STKLD1: variants seen among roughly 807,000 people sequenced by gnomAD.
The protein encoded by STKLD1 is serine/threonine kinase like domain containing 1.
Under a neutral mutation model 80.4 loss-of-function variants are expected in STKLD1, and 79 were observed. The observed-to-expected ratio is 0.98, with a 90% CI of 0.82 to 1.19. STKLD1 has a LOEUF of 1.19. Among genes scored for constraint, STKLD1 ranks in the 50% most tolerant of loss-of-function variants. The pLI, the probability that STKLD1 is intolerant of heterozygous loss-of-function variation, is 0.00. For missense variants in STKLD1, 841 were observed against 856.0 expected (o/e 0.98, Z 0.22); for synonymous variants, 393 against 357.6 (o/e 1.10, Z -1.12).
intron 10 of STKLD1, 27 bp downstream of exon 10, chr9:133,397,321 C>T (rs782743044): frequency 3.1e-6 from 5 of 1,610,744 alleles, no homozygotes; most frequent in Non-Finnish European, 3.4e-6. Flanking sequence ...AAAGGGGGAG[C>T]GTGCCCTGAA....
chr9:133,389,735 A>G lies in STKLD1; in HGVS notation c.467+139A>G. On this transcript the variant is annotated intron_variant, in intron 6 of 17. Transcript: ENST00000371957. This position sits in a 1 kb window ranked among gnomAD's most constrained non-coding sequence, Gnocchi z 6.4. The stretch of plus-strand genomic sequence containing the variant: ...GCCAGTGCAGCCAGGATAGGATGGG[A>G]CCTTACAGAGCTCCTCCCGGGCTTG... The G allele has an allele frequency of 7.2e-7, 1 of 1,395,516 alleles. No homozygotes were observed. Among genetic ancestry groups the G allele is most frequent in the Non-Finnish European group, 9.6e-7 (1 of 1,039,246 alleles). The allele number at this position is 1,395,516 out of a possible 1,614,324, so 86.4% of individuals were successfully genotyped here.
At position 133,396,097 on chromosome 9, in the gene STKLD1, AT is replaced by A. The variant is rs587738011; in HGVS notation, c.866+339del. 50 of 189,032 alleles carry A rather than the reference AT, an allele frequency of 2.6e-4. No homozygotes were observed. The South Asian group carries it at 6.9e-3, about 26-fold the overall frequency. 11.7% of individuals were successfully genotyped at this position (189,032 alleles called of 1,614,324 possible). A position where few individuals can be genotyped will look rare whatever the true frequency, so the allele number is the denominator to read the frequency against. ...TCCTAAAGACAATGGTCACCTTTAA[AT>A]TTTTCATTCTAACTTACTTTAAAAT... is the stretch of plus-strand genomic sequence containing the variant. On this transcript the variant is annotated intron_variant, in intron 9 of 17. Coordinates refer to ENST00000371957, the MANE Select transcript of STKLD1 (RefSeq NM_153710.5).
In STKLD1 at chr9:133,376,563, G is replaced by A. The variant is rs1564372359; in HGVS notation, c.87+3G>A. 1.3e-6 allele frequency: 2 copies of A among 1,592,050 alleles called. No homozygotes were observed. Among genetic ancestry groups the A allele is most frequent in the Non-Finnish European group, 8.5e-7 (1 of 1,171,714 alleles). ...GAGAGCCCATGGAGAAGTACCAGGT[G>A]CCGAGTGTTCCCTGCGGGGAGGCGG... On this transcript the variant is annotated splice_donor_region_variant and intron_variant, in intron 1 of 17. Transcript: ENST00000371957.
chr9:133,393,471 G>T (rs1290657409), intron 7 of STKLD1, among the ~76,000 whole-genome samples: 1 of 148,972 alleles, frequency 6.7e-6, no homozygotes, highest in Admixed American at 6.7e-5. Flanking sequence ...GGATGGTTGG[G>T]TGGGTAGATG....
rs11340207 is a variant in STKLD1 at position 133,390,826 on chromosome 9, AG to A, written c.583+35del. 136,029 of 1,572,904 alleles carry A rather than the reference AG, an allele frequency of 0.086. 7,116 individuals are homozygous for A. The highest frequency in any genetic ancestry group is 0.22 in the African/African-American group (16,133 of 73,966). On this transcript the variant is annotated intron_variant, in intron 7 of 17. Coordinates refer to ENST00000371957, the MANE Select transcript of STKLD1 (RefSeq NM_153710.5). The surrounding 1 kb of genome is among the most constrained non-coding windows in gnomAD (Gnocchi z 5.1). ...CAGGGGCTCCCCCAGGTTGTGGGAGAGGGGGTTGGCGCCTAGAATCCAGGCG... is the reference window on the plus strand; with the variant it reads ...CAGGGGCTCCCCCAGGTTGTGGGAGAGGGGTTGGCGCCTAGAATCCAGGCG...
intron 2 of STKLD1, among the ~76,000 whole-genome samples, chr9:133,381,746 G>A (rs201724596): frequency 7.2e-5 from 11 of 152,254 alleles, no homozygotes; most frequent in East Asian, 1.9e-4. Flanking sequence ...CACTGTGCCC[G>A]GCCACAATGT....
chr9:133,387,343 C>A, intron 4 of STKLD1, 104 bp from the exon 5 acceptor site: 2 of 842,172 alleles, frequency 2.4e-6, no homozygotes, highest in Non-Finnish European at 3.9e-6. Flanking sequence ...GCTCCCACGG[C>A]CACTGCAAAT....
At chr9:133,398,840 TTTG>T (rs1430378697) in intron 11 of STKLD1, among the ~76,000 whole-genome samples, 2 of 151,662 alleles carry the variant, frequency 1.3e-5, no homozygotes, top group Non-Finnish European at 2.9e-5. Flanking sequence ...GCAGTTTTTT[TTTG>T]TTTTTGTTTG....
intron 5 of STKLD1, among the ~76,000 whole-genome samples, chr9:133,388,538 C>T (rs2130282459): frequency 4.6e-5 from 7 of 152,270 alleles, no homozygotes; most frequent in South Asian, 2.1e-4. Flanking sequence ...TGAGCCGCCG[C>T]GCCTAGCCAG....
Position 133,385,587 on chromosome 9 carries a change from T to C in STKLD1, c.220-30T>C, listed in dbSNP as rs2130274827. 2.5e-6 allele frequency: 4 copies of C among 1,609,236 alleles called. No individual in the cohort carries two copies. In the Admixed American group the frequency reaches 6.7e-5, roughly 27 times the overall value. On this transcript the variant is annotated intron_variant, in intron 3 of 17. Coordinates refer to ENST00000371957, the MANE Select transcript of STKLD1 (RefSeq NM_153710.5). This position sits in a 1 kb window ranked among gnomAD's most constrained non-coding sequence, Gnocchi z 4.9. Reference sequence around the variant, plus strand: ...GAGAAAGGCGTGGAGAGGCACTGACTTCTCCGTTTCCTCTGCTCTATCCTG... The same window carrying C: ...GAGAAAGGCGTGGAGAGGCACTGACCTCTCCGTTTCCTCTGCTCTATCCTG...
In STKLD1 at chr9:133,385,624, C is replaced by T. The variant is rs1281084232; in HGVS notation, c.227C>T (p.Pro76Leu). 1 of 1,613,180 alleles carries T rather than the reference C, an allele frequency of 6.2e-7. No homozygotes were observed. The highest frequency in any genetic ancestry group is 1.3e-5 in the African/African-American group (1 of 74,940). ...TCTGCTCTATCCTGGCAGCTGATGC[C>T]ACTGCTGAAGCTGCGGCACGCCCAC... ...YASQALEELMPLLKLRHAHIS... is the reference protein window; with the variant it reads ...YASQALEELMLLLKLRHAHIS... The change falls in exon 4 of 18, where the codon CCA (proline) becomes CTA (leucine). Residue 76 changes from proline to leucine, a missense_variant. By Grantham distance (98) the Pro-to-Leu change is moderately conservative. Coordinates refer to ENST00000371957, the MANE Select transcript of STKLD1 (RefSeq NM_153710.5). The surrounding 1 kb of genome is among the most constrained non-coding windows in gnomAD (Gnocchi z 4.9).
intron 2 of STKLD1, among the ~76,000 whole-genome samples, chr9:133,382,844 ATGGTGTGATGATGGTGG>A (rs1336859563): frequency 6.1e-5 from 8 of 132,206 alleles, no homozygotes; most frequent in African/African-American, 2.3e-4. Context: ...GATGGTGGTG[ATGGTGTGATGATGGTGG>A]TGGTGTGATG....
Position 133,385,729 on chromosome 9 carries a change from G to T in STKLD1, c.294+38G>T. ...TGACACCTACGGGCTCAGCCGCCAC[G>T]CAGTGGGCTGCAGGACCAAGCAGAC... is the stretch of plus-strand genomic sequence containing the variant. On this transcript the variant is annotated intron_variant, in intron 4 of 17. Transcript: ENST00000371957. The surrounding 1 kb of genome is among the most constrained non-coding windows in gnomAD (Gnocchi z 4.9). 1 of 1,585,522 alleles carries T rather than the reference G, an allele frequency of 6.3e-7. No individual in the cohort carries two copies. Among genetic ancestry groups the T allele is most frequent in the South Asian group, 1.1e-5 (1 of 90,350 alleles).
intron 5 of STKLD1, chr9:133,388,706 G>C (rs1032960506): frequency 3.6e-5 from 35 of 970,352 alleles, no homozygotes; most frequent in Non-Finnish European, 4.3e-5. Context: ...ATGGAAGCTT[G>C]GTTATTTTTG....
In STKLD1 at chr9:133,386,161, C is replaced by T. The variant is rs138651424; in HGVS notation, c.294+470C>T. The stretch of plus-strand genomic sequence containing the variant: ...GTTGAACTCCTGACCTTAAGTGATC[C>T]GCCCGCCTCGGCCTCCCAAAGTGCT... On this transcript the variant is annotated intron_variant, in intron 4 of 17. Coordinates refer to ENST00000371957, the MANE Select transcript of STKLD1 (RefSeq NM_153710.5). Among the ~76,000 whole-genome samples the T allele has an allele frequency of 4.2e-3, 642 of 152,292 alleles. 7 individuals carry two copies. Among genetic ancestry groups the T allele is most frequent in the African/African-American group, 0.015 (621 of 41,566 alleles).
At chr9:133,383,998 C>T (rs1471002858) in intron 3 of STKLD1, 98 bp downstream of exon 3, 13 of 1,214,138 alleles carry the variant, frequency 1.1e-5, no homozygotes, top group Middle Eastern at 2.5e-4. Flanking sequence ...GAAGAGAAGG[C>T]TGGAGGGAGG....
rs2130282188 is a variant in STKLD1, at chr9:133,388,351, G to A, written c.396+803G>A. Among the ~76,000 whole-genome samples the A allele has an allele frequency of 1.1e-4, 16 of 152,184 alleles. No homozygotes were observed. In the South Asian group the frequency reaches 2.9e-3, roughly 28 times the overall value. On this transcript the variant is annotated intron_variant, in intron 5 of 17. Coordinates refer to ENST00000371957, the MANE Select transcript of STKLD1 (RefSeq NM_153710.5). The stretch of plus-strand genomic sequence containing the variant: ...GCAACCTTCGCCTCCCTGTTCAAGC[G>A]ATTCTCCTGCCTCAGCCTCCCAAGT...
In STKLD1 at chr9:133,390,396, C is replaced by T. The variant is rs1838363254; in HGVS notation, c.468-285C>T. 6.6e-6 allele frequency among the ~76,000 whole-genome samples: 1 copy of T among 152,180 alleles called. No homozygotes were observed. The highest frequency in any genetic ancestry group is 2.1e-4 in the South Asian group (1 of 4,834). On this transcript the variant is annotated intron_variant, in intron 6 of 17. Coordinates refer to ENST00000371957, the MANE Select transcript of STKLD1 (RefSeq NM_153710.5). This position sits in a 1 kb window ranked among gnomAD's most constrained non-coding sequence, Gnocchi z 5.1. ...GGAGGTGAATGTGTCAATTAAGGGG[C>T]CTCTTCGGAGTGCTGGGTGTGTTCC...
At chr9:133,402,293 A>ACCCACAAAT (rs1838728150) in intron 13 of STKLD1, among the ~76,000 whole-genome samples, 1 of 152,052 alleles carries the variant, frequency 6.6e-6, no homozygotes, top group Non-Finnish European at 1.5e-5. Flanking sequence ...TCACACCTTC[A>ACCCACAAAT]CCCACAAATC....
Sources: gnomAD v4.1 joint callset for allele counts (sites outside exome capture counted in the v4.1 genomes callset) on GRCh38, gnomAD v4.1.1 for gene constraint, Gnocchi (gnomAD v3.1) non-coding constraint, MANE v1.5 for transcripts, NCBI Gene and HGNC (gene_info 2026-07-23, HGNC 2026-07-21) for gene names.